The following LIMCH1 variants were observed in gnomAD, a reference collection of about 807,000 sequenced individuals.
The protein encoded by LIMCH1 is LIM and calponin homology domains-containing protein 1.
A neutral mutation model predicts 176.5 loss-of-function variants in LIMCH1; 113 were observed. The ratio of observed to expected loss-of-function variants is 0.64; its 90% CI spans 0.55 to 0.75. LIMCH1 has a LOEUF of 0.75. Among genes scored for constraint, LIMCH1 ranks in the 30% least tolerant of loss-of-function variants. The pLI is 0.00. For synonymous variants in LIMCH1, 619 were observed against 645.9 expected (o/e 0.96, Z 0.63); for missense variants, 1,674 against 1,814.9 (o/e 0.92, Z 1.41).
At chr4:41,575,331 A>G (rs115560538) in intron 1 of LIMCH1, among the ~76,000 whole-genome samples, 1,886 of 152,332 alleles carry the variant, frequency 0.012, 46 homozygotes, top group African/African-American at 0.043. Context: ...CGCAAATGCA[A>G]TCATTCAGTA....
intron 1 of LIMCH1, among the ~76,000 whole-genome samples, chr4:41,580,083 C>T (rs905977896): frequency 6.6e-6 from 1 of 152,144 alleles, no homozygotes; most frequent in Non-Finnish European, 1.5e-5. Context: ...CAGGCCTATG[C>T]ATGGAGGAGA....
intron 1 of LIMCH1, among the ~76,000 whole-genome samples, chr4:41,406,666 G>T (rs1402489835): frequency 6.6e-6 from 1 of 152,284 alleles, no homozygotes; most frequent in African/African-American, 2.4e-5. Flanking sequence ...AGCTTGAAGA[G>T]ACCAGCAGTG....
At chr4:41,611,858 C>G (rs971011255) in intron 4 of LIMCH1, among the ~76,000 whole-genome samples, 1 of 152,182 alleles carries the variant, frequency 6.6e-6, no homozygotes, top group Non-Finnish European at 1.5e-5. Flanking sequence ...AAATATGAAA[C>G]CATATCCAAT....
intron 2 of LIMCH1, among the ~76,000 whole-genome samples, chr4:41,602,104 T>C (rs2152757485): frequency 7.7e-6 from 1 of 129,166 alleles, no homozygotes; most frequent in South Asian, 2.4e-4. Context: ...TGTTTTCTTT[T>C]AGAAGAAACT....
intron 1 of LIMCH1, among the ~76,000 whole-genome samples, chr4:41,410,391 C>T (rs888108599): frequency 6.6e-6 from 1 of 152,134 alleles, no homozygotes; most frequent in Admixed American, 6.5e-5. Context: ...TTAAGATTTG[C>T]ACTCCTCTCA....
At chr4:41,628,623 A>G (rs1051021897) in intron 8 of LIMCH1, among the ~76,000 whole-genome samples, 8 of 152,138 alleles carry the variant, frequency 5.3e-5, no homozygotes, top group African/African-American at 1.7e-4. Context: ...CTCTATTTAT[A>G]TATTTTTTGA....
chr4:41,473,088 C>G, intron 1 of LIMCH1: 3 of 985,038 alleles, frequency 3.0e-6, no homozygotes, highest in South Asian at 9.4e-5. Flanking sequence ...CAGATATTGC[C>G]TCTGCATTTT....
chr4:41,364,524 A>G (rs2052672062), intron 1 of LIMCH1, among the ~76,000 whole-genome samples: 1 of 152,172 alleles, frequency 6.6e-6, no homozygotes. Flanking sequence ...CTGGAGTCGA[A>G]GTTAACTAGA....
intron 1 of LIMCH1, among the ~76,000 whole-genome samples, chr4:41,568,177 G>A (rs746565941): frequency 8.5e-5 from 13 of 152,080 alleles, no homozygotes; most frequent in Non-Finnish European, 1.6e-4. Context: ...CAGCTATGAC[G>A]GTTACTTAAA....
intron 1 of LIMCH1, among the ~76,000 whole-genome samples, chr4:41,467,158 T>TATATATATATAC (rs1157542568): frequency 7.0e-6 from 1 of 143,468 alleles, no homozygotes; most frequent in African/African-American, 2.6e-5. Context: ...TATGTATATA[T>TATATATATATAC]ACACACACAC....
chr4:41,620,153 G>T, intron 6 of LIMCH1: 5 of 390,350 alleles, frequency 1.3e-5, no homozygotes, highest in Non-Finnish European at 2.3e-5. Context: ...TTTTTAATTT[G>T]CTGAACAAAC....
intron 8 of LIMCH1, among the ~76,000 whole-genome samples, chr4:41,628,701 A>G (rs1035511756): frequency 1.3e-5 from 2 of 152,240 alleles, no homozygotes; most frequent in African/African-American, 2.4e-5. Flanking sequence ...ATATATATAA[A>G]TGCCACAGCT....
At chr4:41,537,222 T>C (rs2078043209), upstream of LIMCH1, among the ~76,000 whole-genome samples, 1 of 152,236 alleles carries the variant, frequency 6.6e-6, no homozygotes, top group South Asian at 2.1e-4. Context: ...TCCAATAAAC[T>C]TTTATAAATG....
intron 1 of LIMCH1, among the ~76,000 whole-genome samples, chr4:41,492,555 T>C (rs1483029681): frequency 1.3e-5 from 2 of 152,230 alleles, no homozygotes; most frequent in Admixed American, 6.5e-5. Flanking sequence ...TCATAAATGC[T>C]CACTGTGAAC....
chr4:41,665,387 T>C (rs1439399067), intron 20 of LIMCH1, among the ~76,000 whole-genome samples: 1 of 152,194 alleles, frequency 6.6e-6, no homozygotes, highest in East Asian at 1.9e-4. Flanking sequence ...GACCTTATCA[T>C]TTGCTGTGTA....
chr4:41,507,550 A>G (rs1223427921), intron 2 of LIMCH1, among the ~76,000 whole-genome samples: 3 of 152,230 alleles, frequency 2.0e-5, no homozygotes, highest in Admixed American at 6.5e-5. Flanking sequence ...TGCACCTAGC[A>G]TTCCTATTGC....
intron 1 of LIMCH1, among the ~76,000 whole-genome samples, chr4:41,460,476 A>ATATATATATCTATC (rs965621988): frequency 1.4e-5 from 2 of 142,672 alleles, no homozygotes; most frequent in South Asian, 2.3e-4. Context: ...ATATATATAT[A>ATATATATATCTATC]TATCTTATAA....
intron 1 of LIMCH1, among the ~76,000 whole-genome samples, chr4:41,387,491 A>G (rs1244324360): frequency 2.2e-4 from 33 of 151,882 alleles, no homozygotes; most frequent in Admixed American, 2.1e-3. Context: ...ATTATTTCCA[A>G]TTTTTATGAA....
At chr4:41,697,110 G>A (rs765043280) in intron 31 of LIMCH1, 50 bp from the exon 32 acceptor site, 21 of 1,606,470 alleles carry the variant, frequency 1.3e-5, no homozygotes, top group South Asian at 2.2e-5. Context: ...TGTCTGAAGC[G>A]AGAAATGTTG....
Sources: gnomAD v4.1 joint callset for allele counts (sites outside exome capture counted in the v4.1 genomes callset) on GRCh38, gnomAD v4.1.1 for gene constraint, MANE v1.5 for transcripts, NCBI Gene and HGNC (gene_info 2026-07-23, HGNC 2026-07-21) for gene names.